Variants in PLA2G2A observed in about 807,000 individuals in gnomAD.
PLA2G2A encodes phospholipase A2, membrane associated.
Under a neutral mutation model 11.2 loss-of-function variants are expected in PLA2G2A, and 6 were observed. The observed-to-expected ratio is 0.54, with a 90% CI of 0.29 to 1.06. PLA2G2A has a LOEUF of 1.06. Among genes scored for constraint, PLA2G2A ranks in the 50% least tolerant of loss-of-function variants. The pLI is 0.08. For missense variants in PLA2G2A, 133 were observed against 177.1 expected (o/e 0.75, Z 1.41); for synonymous variants, 69 against 65.8 (o/e 1.05, Z -0.23).
rs781473940 is a variant in PLA2G2A, at chr1:19,978,415, C to T, written c.150G>A (p.Val50=). The stretch of plus-strand genomic sequence containing the variant: ...CATCCTTGGGGGATCCTCTGCCACC[C>T]ACGCCACAGTGGCAGCCGTAGAAGC... Residue 50 remains valine (V), a synonymous_variant, in exon 3 of 5, where the codon GTG becomes GTA. Coordinates refer to ENST00000482011, the Ensembl canonical transcript of PLA2G2A. 7 of 1,613,526 alleles carry T rather than the reference C, an allele frequency of 4.3e-6. No homozygotes were observed. The South Asian group carries it at 7.7e-5, about 18-fold the overall frequency.
chr1:19,979,009 C>T (rs2046266448), intron 1 of PLA2G2A, 130 bp from the exon 2 acceptor site: 1 of 529,798 alleles, frequency 1.9e-6, no homozygotes, highest in Non-Finnish European at 3.3e-6. Context: ...ACAACCACCT[C>T]CTGACCCGTT....
rs368964488 is a variant in PLA2G2A at position 19,977,218 on chromosome 1, C to T, written c.292+797G>A. 7.3e-4 allele frequency among the ~76,000 whole-genome samples: 111 copies of T among 152,260 alleles called. 1 individual carries two copies. In the South Asian group the frequency reaches 0.013, roughly 18 times the overall value. On this transcript the variant is annotated intron_variant, in intron 4 of 4. Coordinates refer to ENST00000482011, the Ensembl canonical transcript of PLA2G2A. ...TGCTGGAAATAGAACTGCTCCTCCC[C>T]ACCCTCCACCATGACCTGCTCCCAT...
downstream of PLA2G2A, chr1:19,975,670 C>G (rs370952850): frequency 1.2e-6 from 2 of 1,608,396 alleles, no homozygotes; most frequent in East Asian, 4.5e-5. Context: ...AAATTCAGCA[C>G]TGGGTGGAAG....
exon 5 of PLA2G2A, chr1:19,975,774 T>C: frequency 6.2e-7 from 1 of 1,613,862 alleles, no homozygotes; most frequent in Non-Finnish European, 8.5e-7. Flanking sequence ...GGTCGTCTTG[T>C]TTCTAGCAAA....
At chr1:19,979,082 A>AC in intron 1 of PLA2G2A, 1 of 473,588 alleles carries the variant, frequency 2.1e-6, no homozygotes, top group Non-Finnish European at 3.9e-6. Flanking sequence ...ACCCCATGAT[A>AC]CACTAATGAG....
exon 3 of PLA2G2A, chr1:19,978,451 T>C: frequency 1.2e-6 from 2 of 1,613,850 alleles, no homozygotes; most frequent in Non-Finnish European, 1.7e-6. Flanking sequence ...CATAACTGAG[T>C]GCGGCTTCCT....
At chr1:19,975,554 G>T, downstream of PLA2G2A, 4 of 727,098 alleles carry the variant, frequency 5.5e-6, no homozygotes, top group Non-Finnish European at 9.9e-6. Flanking sequence ...GTCTCATTCT[G>T]GGTGGGTATA....
intron 4 of PLA2G2A, among the ~76,000 whole-genome samples, chr1:19,977,638 T>C (rs999475187): frequency 6.6e-6 from 1 of 152,174 alleles, no homozygotes; most frequent in African/African-American, 2.4e-5. Context: ...TCAGCACTGC[T>C]CCTCTTCCTC....
In PLA2G2A at chr1:19,978,896, T is replaced by A; in HGVS notation, c.-106-17A>T. 1.2e-6 allele frequency: 1 copy of A among 860,068 alleles called. No individual in the cohort carries two copies. Among genetic ancestry groups the A allele is most frequent in the Non-Finnish European group, 1.9e-6 (1 of 513,618 alleles). 53.3% of individuals were successfully genotyped at this position (860,068 alleles called of 1,614,324 possible). ...TTGGTGGCTCTGAGACACACAGACATGCTCTCCCATCCAACCTAAGTCCAG... is the reference window on the plus strand; with the variant it reads ...TTGGTGGCTCTGAGACACACAGACAAGCTCTCCCATCCAACCTAAGTCCAG... On this transcript the variant is annotated splice_polypyrimidine_tract_variant and intron_variant, in intron 1 of 4. Transcript: ENST00000482011.
exon 2 of PLA2G2A, chr1:19,978,869 C>T: frequency 8.7e-7 from 1 of 1,145,176 alleles, no homozygotes; most frequent in Middle Eastern, 2.1e-4. Flanking sequence ...CCCTGCTCCT[C>T]CTTGGTGGCT....
chr1:19,978,063 T>C, exon 4 of PLA2G2A: 1 of 1,614,038 alleles, frequency 6.2e-7, no homozygotes, highest in Non-Finnish European at 8.5e-7. Flanking sequence ...CTCAGAAATT[T>C]GGTGCCACAT....
chr1:19,975,612 A>G (rs1243859864), downstream of PLA2G2A: 5 of 1,246,976 alleles, frequency 4.0e-6, no homozygotes, highest in Non-Finnish European at 5.9e-6. Flanking sequence ...TGCTTTCTGC[A>G]TGGCCAAGGA....
rs771722097 is a variant in PLA2G2A at position 19,978,369 on chromosome 1, G to A, written c.185+11C>T. ...GAGTCTAGGAGGGTAGGGAGGGATA[G>A]GTGGCCTCACCGATCCGTTGCATCC... On this transcript the variant is annotated intron_variant, in intron 3 of 4. Coordinates refer to ENST00000482011, the Ensembl canonical transcript of PLA2G2A. 17 of 1,611,042 alleles carry A rather than the reference G, an allele frequency of 1.1e-5. No individual in the cohort carries two copies. The South Asian group carries it at 1.8e-4, about 17-fold the overall frequency.
chr1:19,975,958 A>T, intron 4 of PLA2G2A, 115 bp from the exon 5 acceptor site: 1 of 845,988 alleles, frequency 1.2e-6, no homozygotes, highest in Non-Finnish European at 1.9e-6. Context: ...CTAGTTGGAG[A>T]CAAACACCTG....
At chr1:19,976,949 T>A (rs1055262823) in intron 4 of PLA2G2A, among the ~76,000 whole-genome samples, 1 of 152,230 alleles carries the variant, frequency 6.6e-6, no homozygotes, top group Non-Finnish European at 1.5e-5. Flanking sequence ...TGGCCCTTGC[T>A]AACCATTTCC....
In PLA2G2A at chr1:19,977,882, C is replaced by G. The variant is rs2046241559; in HGVS notation, c.292+133G>C. The stretch of plus-strand genomic sequence containing the variant: ...TTTACTACATTGGATTTTCACTTTC[C>G]TGGCTTCCCACTCAACCGTGAGCTT... On this transcript the variant is annotated intron_variant, in intron 4 of 4. Coordinates refer to ENST00000482011, the Ensembl canonical transcript of PLA2G2A. 21 of 720,250 alleles carry G rather than the reference C, an allele frequency of 2.9e-5. No homozygotes were observed. The East Asian group carries it at 5.2e-4, about 18-fold the overall frequency. The allele number at this position is 720,250 out of a possible 1,614,324, so 44.6% of individuals were successfully genotyped here. A position where few individuals can be genotyped will look rare whatever the true frequency, so the allele number is the denominator to read the frequency against.
Position 19,978,625 on chromosome 1 carries a change from T to C in PLA2G2A, c.41-101A>G. 2.5e-6 allele frequency: 4 copies of C among 1,600,096 alleles called. 1 individual carries two copies. The South Asian group carries it at 4.4e-5, about 18-fold the overall frequency. ...CTCTCCTTCCTCCCAAATGGCTTCT[T>C]TTTTCCCCCTGAGAGAGGATCACTG... On this transcript the variant is annotated intron_variant, in intron 2 of 4. Transcript: ENST00000482011.
intron 4 of PLA2G2A, among the ~76,000 whole-genome samples, chr1:19,977,129 G>A (rs746647741): frequency 6.6e-6 from 1 of 152,174 alleles, no homozygotes; most frequent in African/African-American, 2.4e-5. Context: ...CCCCTGAGCT[G>A]CATTTGTATA....
Position 19,978,205 on chromosome 1 carries a change from G to A in PLA2G2A, c.186-84C>T, listed in dbSNP as rs2046248141. The A allele has an allele frequency of 1.6e-5, 21 of 1,345,934 alleles. 1 individual carries two copies. In the South Asian group the frequency reaches 2.1e-4, roughly 14 times the overall value. The allele number at this position is 1,345,934 out of a possible 1,614,324, so 83.4% of individuals were successfully genotyped here. A position where few individuals can be genotyped will look rare whatever the true frequency, so the allele number is the denominator to read the frequency against. On this transcript the variant is annotated intron_variant, in intron 3 of 4. Coordinates refer to ENST00000482011, the Ensembl canonical transcript of PLA2G2A. Reference sequence around the variant, plus strand: ...GTGGTCTCACCCCCTTGGACCCTGGGCAGAGACCCAGTGACTTTGCAACAG... The same window carrying A: ...GTGGTCTCACCCCCTTGGACCCTGGACAGAGACCCAGTGACTTTGCAACAG...
Sources: allele counts gnomAD v4.1 joint callset (sites outside exome capture counted in the v4.1 genomes callset), GRCh38; gene constraint gnomAD v4.1.1; transcripts MANE v1.5; gene names NCBI Gene and HGNC (gene_info 2026-07-23, HGNC 2026-07-21).